The following GIT2 variants were observed in gnomAD, a reference collection of about 807,000 sequenced individuals.
The protein encoded by GIT2 is GIT ArfGAP 2.
Under a neutral mutation model 100.3 loss-of-function variants are expected in GIT2, and 32 were observed. The observed-to-expected ratio is 0.32, with a 90% CI of 0.24 to 0.43. The LOEUF (loss-of-function observed/expected upper bound fraction) is 0.43. Among genes scored for constraint, GIT2 ranks in the 20% least tolerant of loss-of-function variants. The pLI is 1.00. For missense variants in GIT2, 737 were observed against 975.1 expected (o/e 0.76, Z 3.25); for synonymous variants, 353 against 364.1 (o/e 0.97, Z 0.35).
chr12:109,952,687 C>A, intron 13 of GIT2: 1 of 503,194 alleles, frequency 2.0e-6, no homozygotes. Context: ...CCTGATGCTC[C>A]CAGCCATAGA....
intron 7 of GIT2, among the ~76,000 whole-genome samples, chr12:109,967,792 A>G (rs1882874955): frequency 6.6e-6 from 1 of 152,180 alleles, no homozygotes; most frequent in South Asian, 2.1e-4. Context: ...TTGGCCATGG[A>G]AAGTGTGCTG....
At chr12:109,967,313 CAG>C (rs1189165443) in intron 8 of GIT2, 143 bp downstream of exon 8, 1 of 1,595,874 alleles carries the variant, frequency 6.3e-7, no homozygotes, top group Admixed American at 1.7e-5. Context: ...GGTTTACTTA[CAG>C]CCGTCTTATT....
chr12:109,983,908 G>C, intron 4 of GIT2: 1 of 500,074 alleles, frequency 2.0e-6, no homozygotes, highest in Non-Finnish European at 3.6e-6. Flanking sequence ...AAGGAAACTA[G>C]GGCTGTGAAG....
chr12:109,971,978 A>G (rs1883988266), intron 7 of GIT2, among the ~76,000 whole-genome samples: 1 of 150,144 alleles, frequency 6.7e-6, no homozygotes, highest in Non-Finnish European at 1.5e-5. Context: ...TGGGTGACAG[A>G]GCAAGACTAT....
chr12:109,979,063 A>G (rs1322643239), intron 7 of GIT2, among the ~76,000 whole-genome samples: 3 of 152,030 alleles, frequency 2.0e-5, no homozygotes, highest in Admixed American at 1.3e-4. Flanking sequence ...GAAAAAGACA[A>G]GCAATCAGGA....
Position 109,948,276 on chromosome 12 carries a change from T to C in GIT2, c.1393-772A>G. 1.0e-6 allele frequency: 1 copy of C among 986,752 alleles called. No individual in the cohort carries two copies. Among genetic ancestry groups the C allele is most frequent in the Non-Finnish European group, 1.2e-6 (1 of 830,836 alleles). The allele number at this position is 986,752 out of a possible 1,614,324, so 61.1% of individuals were successfully genotyped here. A position where few individuals can be genotyped will look rare whatever the true frequency, so the allele number is the denominator to read the frequency against. On this transcript the variant is annotated intron_variant, in intron 14 of 19. Coordinates refer to ENST00000355312, the MANE Select transcript of GIT2 (RefSeq NM_057169.5). The surrounding 1 kb of genome is among the most constrained non-coding windows in gnomAD (Gnocchi z 4.3). The stretch of plus-strand genomic sequence containing the variant: ...CTTGCTTCCGTCTGGTGAGTGATCA[T>C]CTTTCGGCCAGGGCTGGAATATTTG...
At chr12:109,980,831 T>C in intron 7 of GIT2, 121 bp downstream of exon 7, 2 of 694,966 alleles carry the variant, frequency 2.9e-6, no homozygotes, top group Non-Finnish European at 2.6e-6. Flanking sequence ...TTAAAAGCCA[T>C]ATGTATAGCT....
At chr12:109,996,057 G>T in intron 1 of GIT2, 116 bp downstream of exon 1, 1 of 647,940 alleles carries the variant, frequency 1.5e-6, no homozygotes, top group Non-Finnish European at 2.5e-6. Context: ...GGCCGCCCAG[G>T]GACCTCTTCG....
intron 1 of GIT2, among the ~76,000 whole-genome samples, chr12:109,995,789 G>A (rs1004175225): frequency 6.6e-6 from 1 of 152,246 alleles, no homozygotes; most frequent in Non-Finnish European, 1.5e-5. Flanking sequence ...AAAGGGTCTA[G>A]TGGGAGGTGA....
intron 6 of GIT2, chr12:109,981,247 G>A (rs916931440): frequency 1.6e-5 from 8 of 493,518 alleles, no homozygotes; most frequent in African/African-American, 1.2e-4. Flanking sequence ...CTGAACTATC[G>A]CCTTTCCTTT....
rs1042137501 is a variant in GIT2 at position 109,958,226 on chromosome 12, G to C, written c.1099+1621C>G. 4.0e-5 allele frequency among the ~76,000 whole-genome samples: 6 copies of C among 150,950 alleles called. No homozygotes were observed. The East Asian group carries it at 1.2e-3, about 29-fold the overall frequency. ...CCCAAAGTGCTGGGATTACAGGTGT[G>C]AGCCACCGTGCCTGGCCCCCAATTT... On this transcript the variant is annotated intron_variant, in intron 12 of 19. Coordinates refer to ENST00000355312, the MANE Select transcript of GIT2 (RefSeq NM_057169.5).
At chr12:109,973,516 T>G (rs1283433648) in intron 7 of GIT2, among the ~76,000 whole-genome samples, 1 of 152,180 alleles carries the variant, frequency 6.6e-6, no homozygotes, top group Non-Finnish European at 1.5e-5. Flanking sequence ...ACACTCTCCT[T>G]TTTGTCAGTA....
chr12:109,936,000 G>C (rs1033753702), intron 18 of GIT2, among the ~76,000 whole-genome samples: 3 of 152,188 alleles, frequency 2.0e-5, no homozygotes, highest in African/African-American at 7.2e-5. Context: ...GTGAGGGCAG[G>C]AGTGAGGCTG....
chr12:109,943,720 T>G (rs1269635118), intron 16 of GIT2, among the ~76,000 whole-genome samples: 1 of 151,130 alleles, frequency 6.6e-6, no homozygotes, highest in Non-Finnish European at 1.5e-5. Context: ...AGGGCCTCAC[T>G]GTGTTGTCCA....
chr12:109,978,396 T>G (rs1039819467), intron 7 of GIT2, among the ~76,000 whole-genome samples: 2 of 151,984 alleles, frequency 1.3e-5, no homozygotes, highest in Non-Finnish European at 2.9e-5. Flanking sequence ...ATTTAGAGGG[T>G]TTTTTTGGCC....
chr12:109,981,993 AG>A (rs1886397817), intron 6 of GIT2: 1 of 152,234 alleles, frequency 6.6e-6, no homozygotes, highest in South Asian at 2.1e-4. Context: ...TTCATTTTTT[AG>A]TATCTGTGAA....
intron 9 of GIT2, 91 bp from the exon 10 acceptor site, chr12:109,961,776 T>G: frequency 1.3e-6 from 1 of 786,476 alleles, no homozygotes; most frequent in Non-Finnish European, 2.3e-6. Flanking sequence ...TTTTATTGCC[T>G]ACGTCTTATC....
At chr12:109,938,813 A>T (rs1045239773) in intron 17 of GIT2, 26 of 519,674 alleles carry the variant, frequency 5.0e-5, no homozygotes, top group African/African-American at 4.4e-4. Flanking sequence ...AAATACCTGG[A>T]GCGGGGAGGG....
intron 16 of GIT2, among the ~76,000 whole-genome samples, chr12:109,944,892 A>G (rs1875855950): frequency 6.6e-6 from 1 of 152,088 alleles, no homozygotes; most frequent in African/African-American, 2.4e-5. Context: ...TTTCAATCTG[A>G]CAACTGTAGC....
Sources: allele counts gnomAD v4.1 joint callset (sites outside exome capture counted in the v4.1 genomes callset), GRCh38; gene constraint gnomAD v4.1.1; non-coding constraint Gnocchi (gnomAD v3.1); transcripts MANE v1.5; gene names NCBI Gene and HGNC (gene_info 2026-07-23, HGNC 2026-07-21).